MPDU1: variants seen among roughly 807,000 people sequenced by gnomAD.
MPDU1 encodes mannose-P-dolichol utilization defect 1.
A neutral mutation model predicts 27.6 loss-of-function variants in MPDU1; 18 were observed. That is an observed-to-expected ratio of 0.65 (90% CI 0.45 to 0.97). The LOEUF (loss-of-function observed/expected upper bound fraction) is 0.97. Among genes scored for constraint, MPDU1 ranks in the 50% least tolerant of loss-of-function variants. The probability of loss-of-function intolerance (pLI) is 0.00; values close to 1 mark genes in which losing one functional copy is unlikely to be tolerated. For synonymous variants in MPDU1, 142 were observed against 131.1 expected, an observed-to-expected ratio of 1.08 and a Z score of -0.57; for missense variants, 279 against 297.4, an observed-to-expected ratio of 0.94 and a Z score of 0.46.
In MPDU1 at chr17:7,587,221, G is replaced by C. The variant is rs1376155202; in HGVS notation, c.568G>C (p.Val190Leu). Residue 190 changes from valine (V) to leucine (L), a missense_variant, in exon 6 of 7, where the codon GTC becomes CTC. By Grantham distance (32) the Val-to-Leu change is conservative (BLOSUM62 1). Coordinates refer to ENST00000250124, the MANE Select transcript of MPDU1 (RefSeq NM_004870.4). ...CACAGGCCAGCTCTCAGCCATCACA[G>C]TCTTCCTGCTGTTTGGGGGCTCCCT... is the stretch of plus-strand genomic sequence containing the variant. ...GHTGQLSAIT[V>L]FLLFGGSLAR... 1 of 1,614,002 alleles carries C rather than the reference G, an allele frequency of 6.2e-7. No individual in the cohort carries two copies. The highest frequency in any genetic ancestry group is 1.3e-5 in the African/African-American group (1 of 74,892).
upstream of MPDU1, chr17:7,583,715 G>A (rs754018419): frequency 7.1e-6 from 6 of 849,008 alleles, no homozygotes; most frequent in Admixed American, 8.5e-5. Context: ...CGCCACTAGA[G>A]TGAGGGTGGG....
chr17:7,587,319 T>G (rs1210374757), intron 6 of MPDU1, 48 bp downstream of exon 6: 1 of 1,612,742 alleles, frequency 6.2e-7, no homozygotes, highest in African/African-American at 1.3e-5. Flanking sequence ...CTCGTCTTAC[T>G]TCTCCCAGCT....
At chr17:7,587,078 G>T in intron 5 of MPDU1, 61 bp downstream of exon 5, 1 of 1,558,478 alleles carries the variant, frequency 6.4e-7, no homozygotes, top group Non-Finnish European at 8.8e-7. Context: ...AAGAGTAGAA[G>T]ATCAAAGTGT....
At chr17:7,583,751 GGCGGGCCAGCTTCGCC>G (rs747003850), upstream of MPDU1, 1 of 1,099,904 alleles carries the variant, frequency 9.1e-7, no homozygotes, top group Non-Finnish European at 1.4e-6. Flanking sequence ...CGGGGCACGG[GGCGGGCCAGCTTCGCC>G]GCGGGAAAAG....
chr17:7,585,608 T>TG, intron 1 of MPDU1, 124 bp from the exon 2 acceptor site: 1 of 871,152 alleles, frequency 1.1e-6, no homozygotes, highest in East Asian at 2.5e-5. Context: ...CCGCCTCTCC[T>TG]CCCCCCAAGA....
At chr17:7,584,110 C>A in intron 1 of MPDU1, 145 bp downstream of exon 1, 1 of 822,414 alleles carries the variant, frequency 1.2e-6, no homozygotes, top group South Asian at 1.3e-5. Context: ...GCGGAAGTGT[C>A]TCGGGCTCCT....
intron 1 of MPDU1, 120 bp from the exon 2 acceptor site, chr17:7,585,612 C>T: frequency 1.1e-6 from 1 of 937,928 alleles, no homozygotes; most frequent in South Asian, 1.3e-5. Flanking sequence ...CTCTCCTCCC[C>T]CCAAGACAAT....
intron 1 of MPDU1, 138 bp downstream of exon 1, chr17:7,584,103 G>A (rs1341673091): frequency 1.2e-6 from 1 of 865,658 alleles, no homozygotes; most frequent in Non-Finnish European, 1.9e-6. Context: ...GAGAAGGGCG[G>A]AAGTGTCTCG....
At chr17:7,586,562 G>A in intron 3 of MPDU1, 130 bp from the exon 4 acceptor site, 2 of 817,286 alleles carry the variant, frequency 2.4e-6, no homozygotes, top group Non-Finnish European at 4.2e-6. Context: ...GATTCAGAAT[G>A]AGCCAGTCCC....
chr17:7,584,259 C>T (rs774283004), intron 1 of MPDU1: 8 of 593,128 alleles, frequency 1.3e-5, no homozygotes, highest in African/African-American at 5.6e-5. Context: ...TCAAATCATG[C>T]CAACCTTTAT....
In MPDU1 at chr17:7,587,953, G is replaced by T. The variant is rs1224135180; in HGVS notation, c.*402G>T. ...ACTGAGTCTGGACGGCAGAGTGGAGGGACTGGGAGGCTGTGGCTGCCTCCC... is the reference window on the plus strand; with the variant it reads ...ACTGAGTCTGGACGGCAGAGTGGAGTGACTGGGAGGCTGTGGCTGCCTCCC... On this transcript the variant is annotated 3_prime_UTR_variant, in exon 7 of 7. Transcript: ENST00000250124. 8.4e-6 allele frequency: 4 copies of T among 478,418 alleles called. No homozygotes were observed. The East Asian group carries it at 2.5e-4, about 30-fold the overall frequency. 29.6% of individuals were successfully genotyped at this position (478,418 alleles called of 1,614,324 possible).
In MPDU1 at chr17:7,587,743, G is replaced by C. The variant is rs1159441920; in HGVS notation, c.*192G>C. 1.1e-6 allele frequency: 1 copy of C among 894,640 alleles called. No homozygotes were observed. Among genetic ancestry groups the C allele is most frequent in the African/African-American group, 1.7e-5 (1 of 60,548 alleles). 55.4% of individuals were successfully genotyped at this position (894,640 alleles called of 1,614,324 possible). A position where few individuals can be genotyped will look rare whatever the true frequency, so the allele number is the denominator to read the frequency against. Reference sequence around the variant, plus strand: ...GATCCTTAGAAAAGGAGAGGATGGGGGTAGAGTCTCCCAAGCCAAAATTTT... The same window carrying C: ...GATCCTTAGAAAAGGAGAGGATGGGCGTAGAGTCTCCCAAGCCAAAATTTT... On this transcript the variant is annotated 3_prime_UTR_variant, in exon 7 of 7. Transcript: ENST00000250124.
chr17:7,586,660 G>A lies in MPDU1; in HGVS notation c.303-32G>A, dbSNP rs376895511. The A allele has an allele frequency of 9.4e-6, 15 of 1,601,856 alleles. No individual in the cohort carries two copies. The Admixed American group carries it at 1.2e-4, about 12-fold the overall frequency. ...GCTTTCCCTGCCTCTTTCTAGGCCC[G>A]CCTTTCTTCCTCCCAACTCTTGACT... On this transcript the variant is annotated intron_variant, in intron 3 of 6. Transcript: ENST00000250124.
At position 7,587,418 on chromosome 17, in the gene MPDU1, G is replaced by A; in HGVS notation, c.619-8G>A. 1.2e-6 allele frequency: 2 copies of A among 1,613,988 alleles called. No homozygotes were observed. Among genetic ancestry groups the A allele is most frequent in the Non-Finnish European group, 1.7e-6 (2 of 1,180,018 alleles). ...AAGGGTAACCCTGGCTCTGTCTCTTGCAACCAGGAAACCGGAGATCCCCTG... is the reference window on the plus strand; with the variant it reads ...AAGGGTAACCCTGGCTCTGTCTCTTACAACCAGGAAACCGGAGATCCCCTG... On this transcript the variant is annotated splice_polypyrimidine_tract_variant and splice_region_variant and intron_variant, in intron 6 of 6. Coordinates refer to ENST00000250124, the MANE Select transcript of MPDU1 (RefSeq NM_004870.4).
In MPDU1 at chr17:7,587,595, C is replaced by G. The variant is rs200572297; in HGVS notation, c.*44C>G. On this transcript the variant is annotated 3_prime_UTR_variant, in exon 7 of 7. Coordinates refer to ENST00000250124, the MANE Select transcript of MPDU1 (RefSeq NM_004870.4). ...TTCCGTTTCCACTCATTCACCCAAC[C>G]TCAGGGTTCTCCCCATCTGAGCCAG... 2 of 1,612,518 alleles carry G rather than the reference C, an allele frequency of 1.2e-6. No individual in the cohort carries two copies. The highest frequency in any genetic ancestry group is 1.3e-5 in the African/African-American group (1 of 74,808).
intron 1 of MPDU1, among the ~76,000 whole-genome samples, chr17:7,585,254 G>A (rs1159576187): frequency 6.6e-6 from 1 of 152,014 alleles, no homozygotes; most frequent in East Asian, 1.9e-4. Context: ...AACAGTCTGG[G>A]GCCCGGTGCG....
At position 7,586,769 on chromosome 17, in the gene MPDU1, CTG is replaced by C; in HGVS notation, c.383_384del (p.Val128GlufsTer173). 2 of 1,614,104 alleles carry C rather than the reference CTG, an allele frequency of 1.2e-6. No homozygotes were observed. The highest frequency in any genetic ancestry group is 2.2e-5 in the East Asian group (1 of 44,868). On this transcript the variant is annotated frameshift_variant, in exon 4 of 7. Coordinates refer to ENST00000250124, the MANE Select transcript of MPDU1 (RefSeq NM_004870.4). LOFTEE classifies it high-confidence loss of function. ...CTGGTCATGCACTACAGAGGACAGACTGTGAAAGGTGCTGGGGACTTACCCAA... is the reference window on the plus strand; with the variant it reads ...CTGGTCATGCACTACAGAGGACAGACTGAAAGGTGCTGGGGACTTACCCAA...
chr17:7,583,935 C>T lies in MPDU1; in HGVS notation c.73C>T (p.Gln25Ter), dbSNP rs1187782942. The change falls in exon 1 of 7, where the codon CAA becomes TAA. Residue 25 changes from glutamine to a stop codon, truncating the protein, a stop_gained. Coordinates refer to ENST00000250124, the MANE Select transcript of MPDU1 (RefSeq NM_004870.4). LOFTEE classifies it high-confidence loss of function. ...PILLPEKCYDQLFVQWDLLHV... is the reference protein window; with the variant it reads ...PILLPEKCYD ...TCTTTTACCTGAGAAATGCTACGACCAACTTTTCGTTCAGTGGGACTTGCT... is the reference window on the plus strand; with the variant it reads ...TCTTTTACCTGAGAAATGCTACGACTAACTTTTCGTTCAGTGGGACTTGCT... The T allele has an allele frequency of 2.5e-6, 4 of 1,614,208 alleles. No homozygotes were observed. Among genetic ancestry groups the T allele is most frequent in the Non-Finnish European group, 2.5e-6 (3 of 1,180,048 alleles).
At position 7,583,972 on chromosome 17, in the gene MPDU1, T is replaced by G. The variant is rs1397054520; in HGVS notation, c.103+7T>G. 1 of 1,613,328 alleles carries G rather than the reference T, an allele frequency of 6.2e-7. No individual in the cohort carries two copies. Among genetic ancestry groups the G allele is most frequent in the East Asian group, 2.2e-5 (1 of 44,886 alleles). On this transcript the variant is annotated splice_region_variant and intron_variant, in intron 1 of 6. Coordinates refer to ENST00000250124, the MANE Select transcript of MPDU1 (RefSeq NM_004870.4). ...CAGTGGGACTTGCTTCACGGTGAGTTTTATTCAGCATCCGATCCAAGTCCT... is the reference window on the plus strand; with the variant it reads ...CAGTGGGACTTGCTTCACGGTGAGTGTTATTCAGCATCCGATCCAAGTCCT...
Sources: allele counts gnomAD v4.1 joint callset (sites outside exome capture counted in the v4.1 genomes callset), GRCh38; gene constraint gnomAD v4.1.1; transcripts MANE v1.5; gene names NCBI Gene and HGNC (gene_info 2026-07-23, HGNC 2026-07-21).